The following GPC6 variants were observed in gnomAD, a reference collection of about 807,000 sequenced individuals.
The protein encoded by GPC6 is glypican-6.
In GPC6, 14 loss-of-function variants were observed where a neutral mutation model predicts 55.2. The observed-to-expected ratio is 0.25, with a 90% CI of 0.17 to 0.40. The LOEUF (loss-of-function observed/expected upper bound fraction) is 0.40, where lower values mean the gene tolerates loss of function less well. Ranked by LOEUF, GPC6 falls within the 10% of genes least tolerant of loss-of-function variation. GPC6 has a pLI of 1.00. For missense variants in GPC6, 641 were observed against 708.5 expected (o/e 0.90, Z 1.08); for synonymous variants, 278 against 259.6 (o/e 1.07, Z -0.68).
At chr13:93,358,732 TTTCA>T (rs1246421725) in intron 1 of GPC6, among the ~76,000 whole-genome samples, 2 of 152,216 alleles carry the variant, frequency 1.3e-5, no homozygotes, top group Non-Finnish European at 1.5e-5. Flanking sequence ...CTGTATTTGT[TTTCA>T]TTCATATCTT....
In GPC6 at chr13:94,126,906, A is replaced by G. The variant is rs1886838145; in HGVS notation, c.877+99012A>G. On this transcript the variant is annotated intron_variant, in intron 4 of 8. Coordinates refer to ENST00000377047, the MANE Select transcript of GPC6 (RefSeq NM_005708.5). Reference sequence around the variant, plus strand: ...TTAGCTAGGGACTAAATATCTATTTACAGTATTTTATAGAAATGTTTTTGG... The same window carrying G: ...TTAGCTAGGGACTAAATATCTATTTGCAGTATTTTATAGAAATGTTTTTGG... Among the ~76,000 whole-genome samples, 4 of 152,290 alleles carry G rather than the reference A, an allele frequency of 2.6e-5. No homozygotes were observed. In the South Asian group the frequency reaches 8.3e-4, roughly 32 times the overall value.
At chr13:93,569,312 C>T (rs1477023018) in intron 2 of GPC6, among the ~76,000 whole-genome samples, 1 of 152,122 alleles carries the variant, frequency 6.6e-6, no homozygotes, top group Non-Finnish European at 1.5e-5. Flanking sequence ...TCATTTGGCT[C>T]TTGCACTTAA....
Position 93,246,789 on chromosome 13 carries a change from CAAAAAAAAAAA to C in GPC6, c.160+19191_160+19201del, listed in dbSNP as rs767827311. 2.1e-3 allele frequency among the ~76,000 whole-genome samples: 86 copies of C among 40,850 alleles called. 1 individual carries two copies. The highest frequency in any genetic ancestry group is 6.2e-3 in the African/African-American group (62 of 9,932). 26.8% of individuals were successfully genotyped at this position (40,850 alleles called of 152,430 possible). ...CCTGGGCGGCAGAGCAAGACTGTCT[CAAAAAAAAAAA>C]AAAAAAAAAAAAAAAAAGCCACTAT... On this transcript the variant is annotated intron_variant, in intron 1 of 8. Transcript: ENST00000377047.
At chr13:93,821,730 T>C (rs2138966566) in intron 2 of GPC6, among the ~76,000 whole-genome samples, 1 of 152,326 alleles carries the variant, frequency 6.6e-6, no homozygotes, top group East Asian at 1.9e-4. Context: ...TTTTTTGTTC[T>C]TCCTCAGTTT....
intron 2 of GPC6, among the ~76,000 whole-genome samples, chr13:93,804,629 A>G (rs1244027298): frequency 6.6e-6 from 1 of 152,192 alleles, no homozygotes; most frequent in South Asian, 2.1e-4. Context: ...TTACCTCCTG[A>G]GTCCCTACCC....
chr13:93,755,863 A>G (rs778472005), intron 2 of GPC6, among the ~76,000 whole-genome samples: 10 of 152,160 alleles, frequency 6.6e-5, no homozygotes, highest in Non-Finnish European at 1.0e-4. Context: ...AATATGCTTT[A>G]AAGAACAGAA....
Position 93,231,361 on chromosome 13 carries a change from G to A in GPC6, c.160+3745G>A, listed in dbSNP as rs368724283. 3.7e-3 allele frequency among the ~76,000 whole-genome samples: 320 copies of A among 86,066 alleles called. 5 individuals carry two copies. The highest frequency in any genetic ancestry group is 9.8e-3 in the African/African-American group (209 of 21,308). The allele number at this position is 86,066 out of a possible 152,430, so 56.5% of individuals were successfully genotyped here. On this transcript the variant is annotated intron_variant, in intron 1 of 8. Coordinates refer to ENST00000377047, the MANE Select transcript of GPC6 (RefSeq NM_005708.5). ...TATATATATACATATATATATATAC[G>A]TATATATATATATATATACATATAT...
intron 3 of GPC6, among the ~76,000 whole-genome samples, chr13:94,002,147 C>A (rs1881831263): frequency 6.6e-6 from 1 of 152,048 alleles, no homozygotes; most frequent in Admixed American, 6.6e-5. Context: ...AGAAGATTTA[C>A]ATCTCAAAGA....
chr13:94,327,586 C>T (rs987725887), intron 6 of GPC6, among the ~76,000 whole-genome samples: 2 of 152,170 alleles, frequency 1.3e-5, no homozygotes, highest in African/African-American at 2.4e-5. Context: ...TGTCTGCTCA[C>T]GAAACTGACA....
At chr13:94,255,628 G>A (rs1891481024) in intron 4 of GPC6, among the ~76,000 whole-genome samples, 1 of 151,870 alleles carries the variant, frequency 6.6e-6, no homozygotes, top group Admixed American at 6.6e-5. Flanking sequence ...TTTCCTTATA[G>A]AGTCACCTGC....
At chr13:93,551,576 T>C (rs1232043844) in intron 2 of GPC6, among the ~76,000 whole-genome samples, 3 of 152,180 alleles carry the variant, frequency 2.0e-5, no homozygotes, top group Non-Finnish European at 4.4e-5. Context: ...CCTTAAAGTC[T>C]AAACTAGAAT....
At chr13:94,135,084 G>C (rs1887135065) in intron 4 of GPC6, among the ~76,000 whole-genome samples, 1 of 152,094 alleles carries the variant, frequency 6.6e-6, no homozygotes, top group Non-Finnish European at 1.5e-5. Context: ...CGAAGCCACA[G>C]ACCTCAAGTC....
intron 2 of GPC6, among the ~76,000 whole-genome samples, chr13:93,727,634 T>G (rs1883689327): frequency 6.6e-6 from 1 of 152,154 alleles, no homozygotes; most frequent in Non-Finnish European, 1.5e-5. Flanking sequence ...AAACCAAGCA[T>G]GAAACCAGCC....
At chr13:94,351,731 G>A (rs564927093) in intron 6 of GPC6, among the ~76,000 whole-genome samples, 22 of 151,872 alleles carry the variant, frequency 1.4e-4, no homozygotes, top group East Asian at 1.2e-3. Flanking sequence ...CTTCTGTCTC[G>A]GATTTAAACA....
chr13:93,377,262 C>T (rs577949000), intron 1 of GPC6, among the ~76,000 whole-genome samples: 53 of 152,236 alleles, frequency 3.5e-4, no homozygotes, highest in African/African-American at 1.2e-3. Flanking sequence ...AGACCACATC[C>T]GTATGAAAGT....
chr13:94,273,915 T>C (rs1193207644), intron 4 of GPC6, among the ~76,000 whole-genome samples: 8 of 152,188 alleles, frequency 5.3e-5, no homozygotes. Context: ...ACATAAAAAC[T>C]TATTCCTATG....
chr13:94,398,322 T>A (rs1594241399), intron 7 of GPC6, 144 bp from the exon 8 acceptor site: 1 of 588,312 alleles, frequency 1.7e-6, no homozygotes, highest in Non-Finnish European at 2.9e-6. Context: ...CTATTTGGCA[T>A]TTTTTTTCCA....
At chr13:94,081,858 T>TTTTTTTTTTTTTTTTTTA (rs1885109268) in intron 4 of GPC6, among the ~76,000 whole-genome samples, 1 of 151,048 alleles carries the variant, frequency 6.6e-6, no homozygotes, top group African/African-American at 2.4e-5. Context: ...TTTTTTTTTT[T>TTTTTTTTTTTTTTTTTTA]GAGACACAGT....
intron 2 of GPC6, among the ~76,000 whole-genome samples, chr13:93,751,235 A>C (rs1357798404): frequency 6.6e-6 from 1 of 152,170 alleles, no homozygotes; most frequent in Non-Finnish European, 1.5e-5. Flanking sequence ...GAGTGGAGGC[A>C]GACTCAGGTT....
Sources: gnomAD v4.1 joint callset for allele counts (sites outside exome capture counted in the v4.1 genomes callset) on GRCh38, gnomAD v4.1.1 for gene constraint, MANE v1.5 for transcripts, NCBI Gene and HGNC (gene_info 2026-07-23, HGNC 2026-07-21) for gene names.